KCNE1: variants seen among roughly 807,000 people sequenced by gnomAD.
The protein encoded by KCNE1 is potassium voltage-gated channel subfamily E regulatory subunit 1.
KCNE1 carries 1 observed loss-of-function variant against 2.9 expected under a neutral mutation model. The observed-to-expected ratio is 0.34, with a 90% CI of 0.12 to 1.62. KCNE1 has a LOEUF of 1.62. KCNE1 is among the 40% of genes most tolerant of loss of function. KCNE1 has a pLI of 0.36. For missense variants in KCNE1, 45 were observed against 150.5 expected (o/e 0.30, Z 3.67); for synonymous variants, 23 against 65.4 (o/e 0.35, Z 3.13).
At chr21:34,500,831 T>C (rs752679109) in intron 2 of KCNE1, among the ~76,000 whole-genome samples, 1 of 152,254 alleles carries the variant, frequency 6.6e-6, no homozygotes, top group Non-Finnish European at 1.5e-5. Flanking sequence ...TTCTTATGGC[T>C]GCATAGCACT....
chr21:34,499,431 T>G (rs1278852053), intron 2 of KCNE1, among the ~76,000 whole-genome samples: 1 of 152,170 alleles, frequency 6.6e-6, no homozygotes, highest in African/African-American at 2.4e-5. Context: ...CCGGATTCTG[T>G]TCAAGAGAAT....
At chr21:34,497,007 C>T (rs1982851637) in intron 2 of KCNE1, among the ~76,000 whole-genome samples, 1 of 152,140 alleles carries the variant, frequency 6.6e-6, no homozygotes, top group Non-Finnish European at 1.5e-5. Flanking sequence ...TGTCCATTTG[C>T]ATGGAGTATC....
At chr21:34,505,510 A>G (rs1983429938) in intron 2 of KCNE1, among the ~76,000 whole-genome samples, 1 of 151,952 alleles carries the variant, frequency 6.6e-6, no homozygotes, top group Admixed American at 6.6e-5. Flanking sequence ...GGACCAAAAG[A>G]GAGGCAGAGG....
rs1983862875 is a variant in KCNE1, at chr21:34,512,150, C to T, written c.-500G>A. 6.6e-6 allele frequency: 1 copy of T among 152,292 alleles called. No homozygotes were observed. The highest frequency in any genetic ancestry group is 2.1e-4 in the South Asian group (1 of 4,830). 9.4% of individuals were successfully genotyped at this position (152,292 alleles called of 1,614,324 possible). A position where few individuals can be genotyped will look rare whatever the true frequency, so the allele number is the denominator to read the frequency against. ...GTCTATTGGTCACCATTGCTTCTGC[C>T]TTCTTGAGAACCATCACCCTCGGAG... On this transcript the variant is annotated 5_prime_UTR_variant, in exon 1 of 4. Coordinates refer to ENST00000399286, the MANE Select transcript of KCNE1 (RefSeq NM_000219.6).
At chr21:34,505,911 C>T (rs1983457428) in intron 2 of KCNE1, among the ~76,000 whole-genome samples, 1 of 152,234 alleles carries the variant, frequency 6.6e-6, no homozygotes, top group Non-Finnish European at 1.5e-5. Flanking sequence ...GCCTCCAAGT[C>T]ATTGCAACTT....
At chr21:34,511,786 C>T (rs1299134952) in intron 1 of KCNE1, among the ~76,000 whole-genome samples, 1 of 152,200 alleles carries the variant, frequency 6.6e-6, no homozygotes, top group South Asian at 2.1e-4. Flanking sequence ...CATGATGGGG[C>T]TCTTCACCAC....
In KCNE1 at chr21:34,508,981, CT is replaced by C. The variant is rs5843665; in HGVS notation, c.-162+2119del. Among the ~76,000 whole-genome samples, 220 of 152,362 alleles carry C rather than the reference CT, an allele frequency of 1.4e-3. 3 individuals carry two copies. The highest frequency in any genetic ancestry group is 0.012 in the Admixed American group (185 of 15,306). On this transcript the variant is annotated intron_variant, in intron 2 of 3. Transcript: ENST00000399286. ...AAAATGTAGTGGTATAAAACAACTACTGTGTATTTTCTCACACTACTTTGTG... is the reference window on the plus strand; with the variant it reads ...AAAATGTAGTGGTATAAAACAACTACGTGTATTTTCTCACACTACTTTGTG...
At chr21:34,505,690 G>A (rs146397742) in intron 2 of KCNE1, among the ~76,000 whole-genome samples, 1 of 152,300 alleles carries the variant, frequency 6.6e-6, no homozygotes, top group African/African-American at 2.4e-5. Flanking sequence ...CCTACAAGCT[G>A]CTCACCTCCT....
chr21:34,503,255 T>G (rs1270987640), intron 2 of KCNE1, among the ~76,000 whole-genome samples: 2 of 152,230 alleles, frequency 1.3e-5, no homozygotes, highest in Non-Finnish European at 2.9e-5. Flanking sequence ...GGAAACACTT[T>G]GCTTATGTTT....
intron 2 of KCNE1, among the ~76,000 whole-genome samples, chr21:34,501,085 G>C (rs1442742573): frequency 6.6e-6 from 1 of 152,144 alleles, no homozygotes; most frequent in Non-Finnish European, 1.5e-5. Context: ...CAGCAAAAGT[G>C]GGATTAAGCG....
chr21:34,496,288 T>G (rs1354609281), intron 2 of KCNE1, among the ~76,000 whole-genome samples: 1 of 152,156 alleles, frequency 6.6e-6, no homozygotes, highest in Non-Finnish European at 1.5e-5. Flanking sequence ...TTAGCCAGGA[T>G]GGTCTTGATC....
intron 2 of KCNE1, among the ~76,000 whole-genome samples, chr21:34,498,455 G>T (rs183416338): frequency 6.6e-6 from 1 of 152,206 alleles, no homozygotes; most frequent in Non-Finnish European, 1.5e-5. Context: ...CCAGACTGCA[G>T]TAATTGTAAT....
intron 2 of KCNE1, among the ~76,000 whole-genome samples, chr21:34,503,290 A>G (rs1296073326): frequency 6.6e-6 from 1 of 152,200 alleles, no homozygotes; most frequent in Non-Finnish European, 1.5e-5. Context: ...GGGACATTAC[A>G]AAGGGTAAAA....
intron 2 of KCNE1, chr21:34,510,667 C>T (rs1178212931): frequency 6.5e-6 from 1 of 152,694 alleles, no homozygotes; most frequent in Non-Finnish European, 1.5e-5. Context: ...CCTTGAAACT[C>T]TCCTTAGTCC....
intron 2 of KCNE1, among the ~76,000 whole-genome samples, chr21:34,501,465 C>T (rs939468274): frequency 6.6e-6 from 1 of 152,200 alleles, no homozygotes; most frequent in Non-Finnish European, 1.5e-5. Context: ...TCTGAGAAGA[C>T]ACTTTTATGC....
rs41314839 is a variant in KCNE1, at chr21:34,506,195, C to T, written c.-162+4906G>A. Among the ~76,000 whole-genome samples the T allele has an allele frequency of 3.7e-3, 568 of 152,332 alleles. 5 individuals are homozygous for T. The highest frequency in any genetic ancestry group is 0.013 in the African/African-American group (541 of 41,574). On this transcript the variant is annotated intron_variant, in intron 2 of 3. Coordinates refer to ENST00000399286, the MANE Select transcript of KCNE1 (RefSeq NM_000219.6). ...CTCAGGAATGTCCCCTCTGTCCCAG[C>T]TCTTCAAGTTGGGCCCTACAGATCC...
intron 2 of KCNE1, among the ~76,000 whole-genome samples, chr21:34,498,539 C>T (rs1395290023): frequency 6.6e-6 from 1 of 152,232 alleles, no homozygotes; most frequent in Admixed American, 6.5e-5. Flanking sequence ...TGCAAAGAGT[C>T]CTGTGACGTG....
At chr21:34,497,719 G>T (rs1352721563) in intron 2 of KCNE1, among the ~76,000 whole-genome samples, 1 of 152,092 alleles carries the variant, frequency 6.6e-6, no homozygotes, top group Non-Finnish European at 1.5e-5. Context: ...TTGATATCTA[G>T]GTCTCTAGCA....
At chr21:34,506,396 G>A (rs1983489203) in intron 2 of KCNE1, among the ~76,000 whole-genome samples, 1 of 152,216 alleles carries the variant, frequency 6.6e-6, no homozygotes, top group African/African-American at 2.4e-5. Flanking sequence ...AATCTATCCT[G>A]ACAATCCTGG....
Sources: gnomAD v4.1 joint callset for allele counts (sites outside exome capture counted in the v4.1 genomes callset) on GRCh38, gnomAD v4.1.1 for gene constraint, MANE v1.5 for transcripts, NCBI Gene and HGNC (gene_info 2026-07-23, HGNC 2026-07-21) for gene names.